The following WDPCP variants were observed in gnomAD, a reference collection of about 807,000 sequenced individuals.
WDPCP encodes the protein WD repeat containing planar cell polarity effector.
Under a neutral mutation model 93.1 loss-of-function variants are expected in WDPCP, and 71 were observed. That is an observed-to-expected ratio of 0.76 (90% CI 0.63 to 0.93). WDPCP has a LOEUF of 0.93. Among genes scored for constraint, WDPCP ranks in the 40% least tolerant of loss-of-function variants. The pLI is 0.00. For missense variants in WDPCP, 844 were observed against 887.4 expected (o/e 0.95, Z 0.62); for synonymous variants, 315 against 315.0 (o/e 1.00, Z 0.00).
intron 2 of WDPCP, among the ~76,000 whole-genome samples, chr2:63,740,660 C>T (rs1669699694): frequency 6.6e-6 from 1 of 152,066 alleles, no homozygotes; most frequent in Admixed American, 6.6e-5. Context: ...AATGTGTAAC[C>T]AACATTACTT....
At chr2:63,618,048 T>TA (rs879501577) in intron 3 of WDPCP, among the ~76,000 whole-genome samples, 2 of 152,274 alleles carry the variant, frequency 1.3e-5, no homozygotes, top group East Asian at 1.9e-4. Flanking sequence ...TTTCCATTGA[T>TA]AAAAAAATGC....
chr2:63,739,520 T>A (rs554667853), intron 2 of WDPCP, among the ~76,000 whole-genome samples: 1 of 152,160 alleles, frequency 6.6e-6, no homozygotes, highest in African/African-American at 2.4e-5. Flanking sequence ...TAGAATGGTT[T>A]GTATTTCTCT....
At chr2:63,838,893 C>T in the WDPCP span, among the ~76,000 whole-genome samples, 2 of 152,142 alleles carry the variant, frequency 1.3e-5, no homozygotes, top group South Asian at 2.1e-4. Context: ...GGGAAGCTCG[C>T]TTACAAAGTG....
At chr2:63,565,207 A>G (rs942152641) in intron 1 of WDPCP, among the ~76,000 whole-genome samples, 1 of 152,244 alleles carries the variant, frequency 6.6e-6, no homozygotes, top group African/African-American at 2.4e-5. Context: ...TATTAGACTT[A>G]AAATTTTCAA....
chr2:63,756,668 T>C (rs7560499), intron 2 of WDPCP, among the ~76,000 whole-genome samples: 12,172 of 152,200 alleles, frequency 0.08, 646 homozygotes, highest in Non-Finnish European at 0.13. Context: ...ATCTAGTCTA[T>C]TTGAGTTCCA....
intron 2 of WDPCP, among the ~76,000 whole-genome samples, chr2:63,733,261 G>A (rs1175651024): frequency 7.3e-6 from 1 of 137,132 alleles, no homozygotes; most frequent in Non-Finnish European, 1.6e-5. Flanking sequence ...CTGCAGTGGC[G>A]CAATCTCGGC....
intron 3 of WDPCP, among the ~76,000 whole-genome samples, chr2:63,602,902 A>G (rs546444238): frequency 1.4e-5 from 2 of 142,966 alleles, no homozygotes; most frequent in East Asian, 1.9e-4. Flanking sequence ...TCCATTGCCT[A>G]TGTAAGACAT....
chr2:63,602,878 C>G (rs1441246583), intron 3 of WDPCP, among the ~76,000 whole-genome samples: 1 of 150,826 alleles, frequency 6.6e-6, no homozygotes, highest in Non-Finnish European at 1.5e-5. Flanking sequence ...TTTCCACTTA[C>G]CCCTTTTATT....
chr2:63,374,799 G>A (rs73937805), intron 12 of WDPCP, among the ~76,000 whole-genome samples: 2,316 of 150,988 alleles, frequency 0.015, 61 homozygotes, highest in African/African-American at 0.053. Flanking sequence ...TGACTTTATC[G>A]TTTTACAATA....
intron 3 of WDPCP, chr2:63,597,875 G>A (rs941765059): frequency 1.6e-5 from 3 of 183,230 alleles, no homozygotes; most frequent in African/African-American, 7.0e-5. Flanking sequence ...TGCTGCGTGG[G>A]AATATTTATT....
chr2:63,617,126 G>C (rs572811475), intron 3 of WDPCP, among the ~76,000 whole-genome samples: 3 of 152,286 alleles, frequency 2.0e-5, no homozygotes, highest in African/African-American at 7.2e-5. Flanking sequence ...AGCCATTCAA[G>C]ACACAGAATA....
upstream of WDPCP, chr2:63,590,107 C>G (rs1709151779): frequency 6.6e-6 from 1 of 152,240 alleles, no homozygotes; most frequent in Non-Finnish European, 1.5e-5. Context: ...CCTAGGTTTC[C>G]TAAATGTTTT....
chr2:63,652,768 A>G (rs1254226474), intron 2 of WDPCP, among the ~76,000 whole-genome samples: 2 of 50,030 alleles, frequency 4.0e-5, no homozygotes, highest in Non-Finnish European at 6.6e-5. Flanking sequence ...TGGTTGGAAA[A>G]CTTAAGTCCA....
At chr2:63,378,319 A>G in intron 12 of WDPCP, 67 bp downstream of exon 12, 1 of 1,605,132 alleles carries the variant, frequency 6.2e-7, no homozygotes, top group Non-Finnish European at 8.5e-7. Flanking sequence ...GAATATTTTA[A>G]TTAAAGAGGA....
intron 10 of WDPCP, among the ~76,000 whole-genome samples, chr2:63,387,806 C>A (rs372178493): frequency 1.1e-4 from 16 of 152,130 alleles, no homozygotes; most frequent in African/African-American, 3.9e-4. Flanking sequence ...GTATACAAAT[C>A]AGTAATATTT....
At chr2:63,280,233 T>C (rs994694988) in intron 13 of WDPCP, among the ~76,000 whole-genome samples, 2 of 152,144 alleles carry the variant, frequency 1.3e-5, no homozygotes, top group African/African-American at 2.4e-5. Context: ...TACAGCTCCA[T>C]ATGGCTGGGG....
chr2:63,209,099 C>G (rs1293352634), intron 14 of WDPCP, among the ~76,000 whole-genome samples: 1 of 152,204 alleles, frequency 6.6e-6, no homozygotes, highest in African/African-American at 2.4e-5. Flanking sequence ...AAAACAAAAA[C>G]AGTAAGAGTA....
At chr2:63,224,255 C>A (rs78013180) in intron 14 of WDPCP, among the ~76,000 whole-genome samples, 1 of 151,892 alleles carries the variant, frequency 6.6e-6, no homozygotes, top group African/African-American at 2.4e-5. Context: ...ACATAAAATG[C>A]GGTGGAACAA....
intron 2 of WDPCP, among the ~76,000 whole-genome samples, chr2:63,710,852 G>A (rs768238786): frequency 7.2e-5 from 11 of 152,024 alleles, no homozygotes; most frequent in Non-Finnish European, 1.5e-4. Flanking sequence ...GTAGAAGGAG[G>A]GATCTCCACC....
Sources: gnomAD v4.1 joint callset for allele counts (sites outside exome capture counted in the v4.1 genomes callset) on GRCh38, gnomAD v4.1.1 for gene constraint, MANE v1.5 for transcripts, NCBI Gene and HGNC (gene_info 2026-07-23, HGNC 2026-07-21) for gene names.